Variants in PAPPA2 observed in about 807,000 individuals in gnomAD.
PAPPA2 encodes the protein pappalysin 2.
A neutral mutation model predicts 176.4 loss-of-function variants in PAPPA2; 86 were observed. That is an observed-to-expected ratio of 0.49 (90% CI 0.41 to 0.58). The LOEUF is 0.58. Ranked by LOEUF, PAPPA2 falls within the 20% of genes least tolerant of loss-of-function variation. The probability of loss-of-function intolerance (pLI) is 0.00; values close to 1 mark genes in which losing one functional copy is unlikely to be tolerated. For synonymous variants in PAPPA2, 809 were observed against 852.2 expected, an observed-to-expected ratio of 0.95 and a Z score of 0.88; for missense variants, 2,073 against 2,256.9, an observed-to-expected ratio of 0.92 and a Z score of 1.65.
chr1:176,477,826 C>A (rs962463824), intron 1 of PAPPA2, among the ~76,000 whole-genome samples: 1 of 151,898 alleles, frequency 6.6e-6, no homozygotes, highest in African/African-American at 2.4e-5. Flanking sequence ...TACAAAATTA[C>A]TTTTATGACC....
At chr1:176,593,332 TTTAA>T (rs1260809292) in intron 2 of PAPPA2, among the ~76,000 whole-genome samples, 1 of 152,222 alleles carries the variant, frequency 6.6e-6, no homozygotes, top group Non-Finnish European at 1.5e-5. Flanking sequence ...AAAAGTCTTA[TTTAA>T]CAAGCTTGGG....
At chr1:176,783,225 C>T (rs1664795259) in intron 17 of PAPPA2, among the ~76,000 whole-genome samples, 1 of 152,132 alleles carries the variant, frequency 6.6e-6, no homozygotes, top group South Asian at 2.1e-4. Flanking sequence ...CACTTAAGTG[C>T]TCTATGTGTT....
At chr1:176,473,626 T>C (rs1305097705) in intron 1 of PAPPA2, among the ~76,000 whole-genome samples, 1 of 152,230 alleles carries the variant, frequency 6.6e-6, no homozygotes, top group African/African-American at 2.4e-5. Context: ...CCAAAGTGGC[T>C]GTATCATCTT....
At chr1:176,725,508 T>C (rs1661824060) in intron 12 of PAPPA2, among the ~76,000 whole-genome samples, 1 of 152,130 alleles carries the variant, frequency 6.6e-6, no homozygotes, top group East Asian at 1.9e-4. Flanking sequence ...GGTACATACA[T>C]AGCAGTGGGC....
intron 21 of PAPPA2, among the ~76,000 whole-genome samples, chr1:176,838,488 C>T (rs1476829537): frequency 6.6e-6 from 1 of 152,166 alleles, no homozygotes; most frequent in Non-Finnish European, 1.5e-5. Flanking sequence ...GAATAAGATA[C>T]ACTCCAAACA....
chr1:176,802,079 C>T (rs939797173), intron 21 of PAPPA2, among the ~76,000 whole-genome samples: 1 of 152,180 alleles, frequency 6.6e-6, no homozygotes, highest in African/African-American at 2.4e-5. Flanking sequence ...CATTCTCAGG[C>T]CCCCGAATAC....
In PAPPA2 at chr1:176,671,055, C is replaced by T. The variant is rs755710954; in HGVS notation, c.2077C>T (p.Arg693Trp). The T allele has an allele frequency of 6.8e-6, 11 of 1,613,810 alleles. No homozygotes were observed. Among genetic ancestry groups the T allele is most frequent in the African/African-American group, 2.7e-5 (2 of 74,886 alleles). The change falls in exon 4 of 23, where the codon CGG becomes TGG. Residue 693 changes from arginine to tryptophan, a missense_variant. Physicochemically the swap from Arg to Trp is moderately radical, Grantham distance 101. Transcript: ENST00000367662. Reference sequence around the variant, plus strand: ...CAACATCTACTTTGCCAGCTCAGTGCGGGAAGACCTTGCAGGTGCTGCCAC... The same window carrying T: ...CAACATCTACTTTGCCAGCTCAGTGTGGGAAGACCTTGCAGGTGCTGCCAC... ...FLNIYFASSV[R>W]EDLAGAATWP...
chr1:176,489,211 T>A (rs1652787560), intron 1 of PAPPA2, among the ~76,000 whole-genome samples: 1 of 152,210 alleles, frequency 6.6e-6, no homozygotes, highest in South Asian at 2.1e-4. Context: ...TATCATGCCC[T>A]GTTCTGTTCT....
intron 17 of PAPPA2, among the ~76,000 whole-genome samples, chr1:176,771,584 G>A (rs924973585): frequency 6.6e-6 from 1 of 152,126 alleles, no homozygotes; most frequent in Non-Finnish European, 1.5e-5. Flanking sequence ...TCTGTAAAAA[G>A]GAGATGATGA....
chr1:176,663,693 TG>T (rs1658472033), intron 3 of PAPPA2, among the ~76,000 whole-genome samples: 1 of 152,084 alleles, frequency 6.6e-6, no homozygotes, highest in African/African-American at 2.4e-5. Context: ...GATACATTGA[TG>T]GTAGGTGCCT....
chr1:176,655,271 T>C (rs552364600), intron 3 of PAPPA2, among the ~76,000 whole-genome samples: 1 of 152,030 alleles, frequency 6.6e-6, no homozygotes, highest in East Asian at 1.9e-4. Flanking sequence ...TCATGGTTTT[T>C]ATCATGAAGT....
intron 19 of PAPPA2, among the ~76,000 whole-genome samples, chr1:176,792,068 T>C (rs1665200745): frequency 6.6e-6 from 1 of 152,246 alleles, no homozygotes; most frequent in African/African-American, 2.4e-5. Context: ...TCTGTGGTTG[T>C]TACTGGAGTG....
At chr1:176,653,032 T>G (rs1448700900) in intron 3 of PAPPA2, among the ~76,000 whole-genome samples, 2 of 151,712 alleles carry the variant, frequency 1.3e-5, no homozygotes, top group Non-Finnish European at 3.0e-5. Context: ...CACCACCATT[T>G]TAAATGAAGA....
chr1:176,786,342 C>G (rs1664934018), intron 17 of PAPPA2, among the ~76,000 whole-genome samples: 1 of 151,720 alleles, frequency 6.6e-6, no homozygotes, highest in Non-Finnish European at 1.5e-5. Context: ...TCAGAAGTGT[C>G]TGGTGTTGCA....
chr1:176,778,853 T>C (rs1350383999), intron 17 of PAPPA2, among the ~76,000 whole-genome samples: 1 of 152,174 alleles, frequency 6.6e-6, no homozygotes, highest in Non-Finnish European at 1.5e-5. Context: ...AATTTATCCT[T>C]GAAATCCTCA....
At chr1:176,797,584 C>T (rs1665502317) in intron 20 of PAPPA2, among the ~76,000 whole-genome samples, 1 of 152,036 alleles carries the variant, frequency 6.6e-6, no homozygotes, top group Non-Finnish European at 1.5e-5. Flanking sequence ...GAGATTGAGG[C>T]TGCAGTGAGC....
intron 3 of PAPPA2, among the ~76,000 whole-genome samples, chr1:176,645,367 A>G (rs1657340883): frequency 6.6e-6 from 1 of 151,716 alleles, no homozygotes; most frequent in African/African-American, 2.4e-5. Context: ...TGTTTGGCTT[A>G]TTTCACTTAA....
At chr1:176,730,148 T>C (rs1366607602) in intron 12 of PAPPA2, among the ~76,000 whole-genome samples, 1 of 151,954 alleles carries the variant, frequency 6.6e-6, no homozygotes, top group Non-Finnish European at 1.5e-5. Context: ...TAATTGCTTG[T>C]ACAATTTTCT....
chr1:176,504,859 C>T (rs1247353275), intron 1 of PAPPA2, among the ~76,000 whole-genome samples: 1 of 152,072 alleles, frequency 6.6e-6, no homozygotes, highest in Admixed American at 6.6e-5. Flanking sequence ...GGGTACTACT[C>T]CTTCAGATGG....
Sources: allele counts gnomAD v4.1 joint callset (sites outside exome capture counted in the v4.1 genomes callset), GRCh38; gene constraint gnomAD v4.1.1; transcripts MANE v1.5; gene names NCBI Gene and HGNC (gene_info 2026-07-23, HGNC 2026-07-21).